The following RSF1 variants were observed in gnomAD, a reference collection of about 807,000 sequenced individuals.
RSF1 encodes the protein remodeling and spacing factor 1.
A neutral mutation model predicts 145.2 loss-of-function variants in RSF1; 13 were observed. That is an observed-to-expected ratio of 0.09 (90% CI 0.06 to 0.14). The LOEUF (loss-of-function observed/expected upper bound fraction) is 0.14, where lower values mean the gene tolerates loss of function less well. Ranked by LOEUF, RSF1 falls within the 10% of genes least tolerant of loss-of-function variation. The pLI, the probability that RSF1 is intolerant of heterozygous loss-of-function variation, is 1.00. For synonymous variants in RSF1, 577 were observed against 592.6 expected, an observed-to-expected ratio of 0.97 and a Z score of 0.38; for missense variants, 1,517 against 1,718.2, an observed-to-expected ratio of 0.88 and a Z score of 2.07.
the RSF1 span, chr11:77,842,364 T>C: frequency 5.9e-6 from 6 of 1,010,642 alleles, no homozygotes; most frequent in African/African-American, 1.6e-5. Context: ...AACAACCACG[T>C]AAATGAAAAG....
chr11:77,848,686 C>T, the RSF1 span, among the ~76,000 whole-genome samples: 2 of 152,300 alleles, frequency 1.3e-5, no homozygotes, highest in East Asian at 1.9e-4. Context: ...GAAACTTAAG[C>T]ACAGAGAAGT....
intron 3 of RSF1, among the ~76,000 whole-genome samples, chr11:77,746,301 G>A (rs1033823260): frequency 2.6e-5 from 4 of 152,046 alleles, no homozygotes; most frequent in Non-Finnish European, 5.9e-5. Flanking sequence ...GAAGACTTCT[G>A]TGTAGGCTCC....
intron 1 of RSF1, among the ~76,000 whole-genome samples, chr11:77,803,294 C>T (rs1948644708): frequency 6.6e-6 from 1 of 152,070 alleles, no homozygotes; most frequent in South Asian, 2.1e-4. Flanking sequence ...ACTACAGTTG[C>T]ATGTCACCAA....
intron 1 of RSF1, among the ~76,000 whole-genome samples, chr11:77,817,281 T>C (rs879876294): frequency 8.5e-5 from 13 of 152,230 alleles, no homozygotes; most frequent in Non-Finnish European, 1.6e-4. Context: ...ACTTGTGAAA[T>C]GTGTATTACT....
In RSF1 at chr11:77,808,527, C is replaced by CTTTTTTT; in HGVS notation, c.187+11994_187+12000dup. On this transcript the variant is annotated intron_variant, in intron 1 of 15. Coordinates refer to ENST00000308488, the MANE Select transcript of RSF1 (RefSeq NM_016578.4). ...TTAGTATCCCATTCAAATATTATAC[C>CTTTTTTT]TTTTTTTTTTTTTTTTTTTTTTTTG... 2.1e-3 allele frequency among the ~76,000 whole-genome samples: 128 copies of CTTTTTTT among 59,998 alleles called. 5 individuals are homozygous for CTTTTTTT. The highest frequency in any genetic ancestry group is 2.5e-3 in the Non-Finnish European group (94 of 38,344). 39.4% of individuals were successfully genotyped at this position (59,998 alleles called of 152,430 possible).
At chr11:77,685,628 G>C (rs143091438) in intron 9 of RSF1, among the ~76,000 whole-genome samples, 2 of 152,234 alleles carry the variant, frequency 1.3e-5, no homozygotes, top group African/African-American at 2.4e-5. Context: ...CTTTAATATA[G>C]TATTAGTATG....
At chr11:77,851,373 G>C in the RSF1 span, 24 of 152,214 alleles carry the variant, frequency 1.6e-4, no homozygotes, top group Non-Finnish European at 2.5e-4. Context: ...AGTTTCTTCT[G>C]CTCAAGACAG....
intron 11 of RSF1, among the ~76,000 whole-genome samples, chr11:77,679,630 A>C (rs1590825646): frequency 6.6e-6 from 1 of 151,230 alleles, no homozygotes; most frequent in Non-Finnish European, 1.5e-5. Flanking sequence ...CCGAGAATGC[A>C]CCACTGCACT....
chr11:77,682,257 T>C (rs1486349478), intron 11 of RSF1, among the ~76,000 whole-genome samples: 1 of 152,168 alleles, frequency 6.6e-6, no homozygotes, highest in African/African-American at 2.4e-5. Context: ...TAGAAGCAAA[T>C]TCCTCCATGA....
intron 2 of RSF1, among the ~76,000 whole-genome samples, chr11:77,759,741 A>G (rs868157245): frequency 1.3e-5 from 2 of 152,024 alleles, no homozygotes; most frequent in Non-Finnish European, 2.9e-5. Context: ...TTCATGCTCT[A>G]TCAGACAAGC....
At chr11:77,689,867 A>G (rs566214385) in intron 9 of RSF1, among the ~76,000 whole-genome samples, 1 of 152,332 alleles carries the variant, frequency 6.6e-6, no homozygotes, top group South Asian at 2.1e-4. Flanking sequence ...AACTTCATCT[A>G]AGAACCCTTC....
chr11:77,678,316 A>G (rs917687830), intron 11 of RSF1, among the ~76,000 whole-genome samples, 163 bp from the exon 12 acceptor site: 3 of 151,656 alleles, frequency 2.0e-5, no homozygotes, highest in Non-Finnish European at 4.4e-5. Flanking sequence ...TCCCGGGTTC[A>G]AGGGATTCTC....
chr11:77,818,772 C>G (rs766989549), intron 1 of RSF1, among the ~76,000 whole-genome samples: 1 of 151,864 alleles, frequency 6.6e-6, no homozygotes, highest in Non-Finnish European at 1.5e-5. Context: ...GAGTGAGACT[C>G]CGTCTCAAAA....
intron 4 of RSF1, among the ~76,000 whole-genome samples, chr11:77,736,014 G>A (rs1463438938): frequency 6.6e-6 from 1 of 152,226 alleles, no homozygotes; most frequent in East Asian, 1.9e-4. Flanking sequence ...TGGGATTACA[G>A]GTGTGAGCCG....
chr11:77,846,960 C>A, the RSF1 span, among the ~76,000 whole-genome samples: 1 of 152,088 alleles, frequency 6.6e-6, no homozygotes, highest in East Asian at 1.9e-4. Flanking sequence ...AATCTGGGAT[C>A]ACTTTTAATT....
At chr11:77,706,240 CAA>C (rs1286243034) in intron 5 of RSF1, among the ~76,000 whole-genome samples, 27 of 60,986 alleles carry the variant, frequency 4.4e-4, no homozygotes, top group Non-Finnish European at 3.7e-4. Context: ...ACTCTGTCTC[CAA>C]AAAAAAAAAA....
At chr11:77,677,609 T>C (rs751692902) in intron 12 of RSF1, among the ~76,000 whole-genome samples, 20 of 152,354 alleles carry the variant, frequency 1.3e-4, no homozygotes, top group Non-Finnish European at 2.1e-4. Flanking sequence ...TATTGGAGCA[T>C]TGGCTAATAG....
the RSF1 span, among the ~76,000 whole-genome samples, chr11:77,858,403 C>CTGCTCGAATGCT: frequency 6.8e-6 from 1 of 146,446 alleles, no homozygotes; most frequent in Non-Finnish European, 1.5e-5. Context: ...TTGCCATTGC[C>CTGCTCGAATGCT]GGCTCGAATG....
rs112292640 is a variant in RSF1, at chr11:77,675,027, T to A, written c.3562+9A>T. ...ATTGAGCTACCATATGGTTACAGAT[T>A]ATTTTTACCAGAGTCTCTACTATTC... On this transcript the variant is annotated intron_variant, in intron 14 of 15. Coordinates refer to ENST00000308488, the MANE Select transcript of RSF1 (RefSeq NM_016578.4). 6.3e-7 allele frequency: 1 copy of A among 1,576,074 alleles called. No individual in the cohort carries two copies. Among genetic ancestry groups the A allele is most frequent in the African/African-American group, 1.4e-5 (1 of 72,974 alleles).
Sources: allele counts gnomAD v4.1 joint callset (sites outside exome capture counted in the v4.1 genomes callset), GRCh38; gene constraint gnomAD v4.1.1; transcripts MANE v1.5; gene names NCBI Gene and HGNC (gene_info 2026-07-23, HGNC 2026-07-21).